Variants in PACRG observed in about 807,000 individuals in gnomAD.
The protein encoded by PACRG is parkin coregulated gene protein.
PACRG carries 29 observed loss-of-function variants against 29.7 expected under a neutral mutation model. The ratio of observed to expected loss-of-function variants is 0.98; its 90% CI spans 0.73 to 1.33. PACRG has a LOEUF of 1.33. Ranked by LOEUF, PACRG falls within the 40% of genes most tolerant of loss-of-function variation. The pLI is 0.00. For synonymous variants in PACRG, 116 were observed against 118.7 expected, an observed-to-expected ratio of 0.98 and a Z score of 0.15; for missense variants, 279 against 316.2, an observed-to-expected ratio of 0.88 and a Z score of 0.89.
At chr6:162,919,535 A>G (rs1796922075) in intron 2 of PACRG, among the ~76,000 whole-genome samples, 1 of 152,228 alleles carries the variant, frequency 6.6e-6, no homozygotes, top group African/African-American at 2.4e-5. Flanking sequence ...AGAGGCCAGT[A>G]CAATTATTAG....
At chr6:162,784,174 G>A (rs1382594723) in intron 1 of PACRG, among the ~76,000 whole-genome samples, 3 of 152,142 alleles carry the variant, frequency 2.0e-5, no homozygotes, top group Non-Finnish European at 1.5e-5. Flanking sequence ...CTTCAGTAGA[G>A]CTTTATTATT....
intron 2 of PACRG, among the ~76,000 whole-genome samples, chr6:163,047,856 CT>C (rs1466701716): frequency 2.6e-5 from 4 of 152,164 alleles, no homozygotes; most frequent in Admixed American, 2.6e-4. Context: ...TTATTTCTGT[CT>C]TCCGTTTATA....
chr6:162,868,459 C>T (rs1254334426), intron 2 of PACRG, among the ~76,000 whole-genome samples: 2 of 152,202 alleles, frequency 1.3e-5, no homozygotes, highest in Non-Finnish European at 2.9e-5. Flanking sequence ...GCAGGCCAGC[C>T]GCCGCAGCAC....
chr6:163,268,644 C>T (rs1162229054), intron 4 of PACRG, among the ~76,000 whole-genome samples: 2 of 152,074 alleles, frequency 1.3e-5, no homozygotes, highest in African/African-American at 4.8e-5. Context: ...TTTTATGGTT[C>T]TATCAGCTAT....
chr6:163,008,695 G>GGACT (rs1292569373), intron 2 of PACRG, among the ~76,000 whole-genome samples: 12 of 148,338 alleles, frequency 8.1e-5, no homozygotes, highest in Admixed American at 6.8e-4. Flanking sequence ...CATGGTAAGA[G>GGACT]GACTATGTAT....
intron 2 of PACRG, among the ~76,000 whole-genome samples, chr6:163,006,718 G>A (rs1242129906): frequency 6.6e-6 from 1 of 151,836 alleles, no homozygotes; most frequent in Admixed American, 6.6e-5. Flanking sequence ...GTAAATTTCT[G>A]TACTCTGAAA....
chr6:163,230,030 A>G (rs1307460328), intron 4 of PACRG, among the ~76,000 whole-genome samples: 4 of 152,270 alleles, frequency 2.6e-5, no homozygotes, highest in African/African-American at 9.6e-5. Flanking sequence ...CATTCTCTAC[A>G]GTGGCATCAG....
chr6:162,825,933 A>ATTTAT (rs71008115), intron 2 of PACRG, among the ~76,000 whole-genome samples: 13,594 of 151,490 alleles, frequency 0.09, 867 homozygotes, highest in South Asian at 0.24. Flanking sequence ...CTATGCATTT[A>ATTTAT]TTTATTTTAT....
chr6:163,171,325 A>G (rs1779073499), intron 4 of PACRG, among the ~76,000 whole-genome samples: 1 of 152,326 alleles, frequency 6.6e-6, no homozygotes, highest in Admixed American at 6.5e-5. Context: ...CCACATTGCA[A>G]TAGCCAAGAA....
chr6:163,081,827 G>A (rs932255175), intron 3 of PACRG, among the ~76,000 whole-genome samples: 4 of 151,798 alleles, frequency 2.6e-5, no homozygotes, highest in African/African-American at 9.7e-5. Context: ...ACAAAATAAG[G>A]TATTAAAATA....
intron 2 of PACRG, among the ~76,000 whole-genome samples, chr6:163,056,594 C>A (rs895815342): frequency 2.0e-5 from 3 of 152,026 alleles, no homozygotes; most frequent in Non-Finnish European, 4.4e-5. Context: ...CCATTACCCC[C>A]CAGAAGCAGG....
chr6:163,055,520 G>A lies in PACRG; in HGVS notation c.292-6630G>A, dbSNP rs1247671671. 6.6e-6 allele frequency among the ~76,000 whole-genome samples: 1 copy of A among 152,110 alleles called. No homozygotes were observed. ...ATTATAATAAAAAGGAACCCTGGAA[G>A]ATATGTAAAAGGAATTTACATACAA... On this transcript the variant is annotated intron_variant, in intron 2 of 4. Transcript: ENST00000366888. The surrounding 1 kb of genome is among the most constrained non-coding windows in gnomAD (Gnocchi z 4.0).
intron 2 of PACRG, among the ~76,000 whole-genome samples, chr6:162,967,472 G>T (rs1801137411): frequency 1.3e-5 from 2 of 151,238 alleles, no homozygotes; most frequent in African/African-American, 4.9e-5. Flanking sequence ...TTAGAATTTT[G>T]ATCAATAGAT....
chr6:163,309,617 C>A (rs892534907), intron 4 of PACRG, among the ~76,000 whole-genome samples: 1 of 152,190 alleles, frequency 6.6e-6, no homozygotes, highest in Non-Finnish European at 1.5e-5. Context: ...CACCTCTTAA[C>A]CATTTCCTGA....
chr6:163,001,623 C>T (rs550879680), intron 2 of PACRG, among the ~76,000 whole-genome samples: 4 of 152,050 alleles, frequency 2.6e-5, no homozygotes, highest in Admixed American at 2.6e-4. Flanking sequence ...ACATGATATC[C>T]TTTCTCATTT....
intron 4 of PACRG, among the ~76,000 whole-genome samples, chr6:163,120,565 G>A (rs564726789): frequency 7.9e-5 from 12 of 152,248 alleles, no homozygotes; most frequent in East Asian, 5.8e-4. Context: ...AGAGGTTACC[G>A]CAGAGGTAGA....
chr6:162,874,460 A>G (rs1793119616), intron 2 of PACRG, among the ~76,000 whole-genome samples: 1 of 152,116 alleles, frequency 6.6e-6, no homozygotes, highest in Non-Finnish European at 1.5e-5. Context: ...ACAGGAGGGC[A>G]AGAAACCAGT....
chr6:162,875,595 T>C (rs1793271682), intron 2 of PACRG, among the ~76,000 whole-genome samples: 1 of 152,240 alleles, frequency 6.6e-6, no homozygotes, highest in African/African-American at 2.4e-5. Context: ...TTTATTATTC[T>C]GTAAGTTTTT....
At chr6:163,031,860 A>G (rs1466995178) in intron 2 of PACRG, among the ~76,000 whole-genome samples, 1 of 152,160 alleles carries the variant, frequency 6.6e-6, no homozygotes, top group Non-Finnish European at 1.5e-5. Context: ...GAAACCTTAT[A>G]CAGGGACTGT....
Sources: allele counts gnomAD v4.1 joint callset (sites outside exome capture counted in the v4.1 genomes callset), GRCh38; gene constraint gnomAD v4.1.1; non-coding constraint Gnocchi (gnomAD v3.1); transcripts MANE v1.5; gene names NCBI Gene and HGNC (gene_info 2026-07-23, HGNC 2026-07-21).